The following FAM111A variants were observed in gnomAD, a reference collection of about 807,000 sequenced individuals.
FAM111A encodes serine protease FAM111A.
A neutral mutation model predicts 3.3 loss-of-function variants in FAM111A; 8 were observed. That is an observed-to-expected ratio of 2.39 (90% CI 1.40 to 4.32). The LOEUF (loss-of-function observed/expected upper bound fraction) is 4.32. Among genes scored for constraint, FAM111A ranks in the 30% most tolerant of loss-of-function variants. The probability of loss-of-function intolerance (pLI) is 0.00; values close to 1 mark genes in which losing one functional copy is unlikely to be tolerated. For missense variants in FAM111A, 683 were observed against 727.6 expected, an observed-to-expected ratio of 0.94 and a Z score of 0.71; for synonymous variants, 227 against 243.1, an observed-to-expected ratio of 0.93 and a Z score of 0.62.
Position 59,152,449 on chromosome 11 carries a change from G to GGCAGATACTT in FAM111A, c.782_791dup (p.Phe264LeufsTer7), listed in dbSNP as rs533676902. The GGCAGATACTT allele has an allele frequency of 6.3e-3, 10,249 of 1,614,078 alleles. 52 individuals are homozygous for GGCAGATACTT. The highest frequency in any genetic ancestry group is 7.7e-3 in the Non-Finnish European group (9,122 of 1,180,006). ...CACCCAGCCAGTTGATGAATTAGAAGGCAGATACTTTCAGGTTGAGGTTGA... is the reference window on the plus strand; with the variant it reads ...CACCCAGCCAGTTGATGAATTAGAAGGCAGATACTTGCAGATACTTTCAGGTTGAGGTTGA... On this transcript the variant is annotated frameshift_variant, in exon 6 of 6. Transcript: ENST00000675163. LOFTEE classifies it low-confidence loss of function (END_TRUNC).
rs1340022387 is a variant in FAM111A at position 59,152,966 on chromosome 11, T to TA, written c.1299dup (p.His434ThrfsTer2). ...TTTTTTGTTGAACCTTGGTTTGAGATACATAATGAAGAGCTTGACTATGCT... is the reference window on the plus strand; with the variant it reads ...TTTTTTGTTGAACCTTGGTTTGAGATAACATAATGAAGAGCTTGACTATGCT... On this transcript the variant is annotated frameshift_variant, in exon 6 of 6. Coordinates refer to ENST00000675163, the MANE Select transcript of FAM111A (RefSeq NM_001312909.2). LOFTEE classifies it low-confidence loss of function (END_TRUNC). 6.2e-7 allele frequency: 1 copy of TA among 1,614,112 alleles called. No individual in the cohort carries two copies. Among genetic ancestry groups the TA allele is most frequent in the Non-Finnish European group, 8.5e-7 (1 of 1,180,024 alleles).
Position 59,150,912 on chromosome 11 carries a change from T to C in FAM111A, c.82-838T>C, listed in dbSNP as rs565219845. The stretch of plus-strand genomic sequence containing the variant: ...AAAATAGAGTTCTTTTCATGATATA[T>C]GCTGGGCAAATCAAAGTATTTATTG... On this transcript the variant is annotated intron_variant, in intron 5 of 5. Coordinates refer to ENST00000675163, the MANE Select transcript of FAM111A (RefSeq NM_001312909.2). Among the ~76,000 whole-genome samples the C allele has an allele frequency of 2.0e-3, 303 of 152,366 alleles. 4 individuals are homozygous for C. Among genetic ancestry groups the C allele is most frequent in the African/African-American group, 6.9e-3 (289 of 41,584 alleles).
rs1037307427 is a variant in FAM111A at position 59,154,917 on chromosome 11, C to T, written c.*1413C>T. 1 of 152,878 alleles carries T rather than the reference C, an allele frequency of 6.5e-6. No homozygotes were observed. Among genetic ancestry groups the T allele is most frequent in the Non-Finnish European group, 1.5e-5 (1 of 68,042 alleles). The allele number at this position is 152,878 out of a possible 1,614,324, so 9.5% of individuals were successfully genotyped here. ...AAAGTCTGAGATATGACTAGCTACA[C>T]GTTTTGCCAAAAATGCTTGTTATAT... On this transcript the variant is annotated 3_prime_UTR_variant, in exon 6 of 6. Coordinates refer to ENST00000675163, the MANE Select transcript of FAM111A (RefSeq NM_001312909.2).
chr11:59,153,311 C>G lies in FAM111A; in HGVS notation c.1643C>G (p.Ser548Ter), dbSNP rs1202484130. 12 of 1,614,126 alleles carry G rather than the reference C, an allele frequency of 7.4e-6. No homozygotes were observed. The highest frequency in any genetic ancestry group is 9.3e-6 in the Non-Finnish European group (11 of 1,180,016). ...GCTTCCGGCTCCCCTGTGTTTGATTCAAAAGGTTCATTGGTGGCCATGCAT... is the reference window on the plus strand; with the variant it reads ...GCTTCCGGCTCCCCTGTGTTTGATTGAAAAGGTTCATTGGTGGCCATGCAT... Reference protein sequence around the residue: ...FGASGSPVFDSKGSLVAMHAA... With the variant: ...FGASGSPVFD Residue 548 changes from serine (S) to a stop codon, truncating the protein, a stop_gained, in exon 6 of 6, where the codon TCA (serine) becomes TGA (stop). Coordinates refer to ENST00000675163, the MANE Select transcript of FAM111A (RefSeq NM_001312909.2). LOFTEE classifies it low-confidence loss of function (END_TRUNC).
rs189542016 is a variant in FAM111A, at chr11:59,147,779, A to G, written c.-76-1018A>G. On this transcript the variant is annotated intron_variant, in intron 4 of 5. Transcript: ENST00000675163. Reference sequence around the variant, plus strand: ...CATTCTCTCATTTTTTCTCTAATAAATTGTTCATAATAAAAAGTCCTGAAA... The same window carrying G: ...CATTCTCTCATTTTTTCTCTAATAAGTTGTTCATAATAAAAAGTCCTGAAA... Among the ~76,000 whole-genome samples, 108 of 152,280 alleles carry G rather than the reference A, an allele frequency of 7.1e-4. No homozygotes were observed. In the South Asian group the frequency reaches 0.017, roughly 24 times the overall value.
intron 3 of FAM111A, 95 bp from the exon 4 acceptor site, chr11:59,145,732 G>C (rs1035439522): frequency 2.6e-5 from 4 of 152,138 alleles, no homozygotes; most frequent in African/African-American, 9.7e-5. Context: ...TGAATCCCTA[G>C]ATTTTCTTAA....
At chr11:59,150,459 G>T (rs1253375214) in intron 5 of FAM111A, among the ~76,000 whole-genome samples, 1 of 152,164 alleles carries the variant, frequency 6.6e-6, no homozygotes, top group Non-Finnish European at 1.5e-5. Context: ...AAGGGGCATT[G>T]CTGGCATACG....
Position 59,146,888 on chromosome 11 carries a change from C to T in FAM111A, c.-77+1032C>T, listed in dbSNP as rs181461280. Among the ~76,000 whole-genome samples, 3 of 152,182 alleles carry T rather than the reference C, an allele frequency of 2.0e-5. No individual in the cohort carries two copies. The East Asian group carries it at 5.8e-4, about 29-fold the overall frequency. On this transcript the variant is annotated intron_variant, in intron 4 of 5. Coordinates refer to ENST00000675163, the MANE Select transcript of FAM111A (RefSeq NM_001312909.2). ...AAGACATATAAAGGAAACTGTGTAC[C>T]TCAGTTGGATCTTGGTATGAATAAA...
chr11:59,144,823 C>A (rs2135426287), intron 3 of FAM111A: 1 of 152,498 alleles, frequency 6.6e-6, no homozygotes, highest in East Asian at 1.9e-4. Context: ...AGCTCTGGAG[C>A]CTTTGCTTCC....
At chr11:59,149,993 C>G (rs543452279) in intron 5 of FAM111A, among the ~76,000 whole-genome samples, 1 of 152,254 alleles carries the variant, frequency 6.6e-6, no homozygotes, top group East Asian at 1.9e-4. Context: ...AATTTCTCAA[C>G]TTGTTTTGTT....
At position 59,152,439 on chromosome 11, in the gene FAM111A, T is replaced by C. The variant is rs779946224; in HGVS notation, c.771T>C (p.Asp257=). 29 of 1,610,178 alleles carry C rather than the reference T, an allele frequency of 1.8e-5. No homozygotes were observed. In the Admixed American group the frequency reaches 4.8e-4, roughly 27 times the overall value. The change falls in exon 6 of 6, where the codon GAT becomes GAC. Residue 257 remains aspartate, a synonymous_variant. Transcript: ENST00000675163. The stretch of plus-strand genomic sequence containing the variant: ...TTTTAGAAAGCACCCAGCCAGTTGA[T>C]GAATTAGAAGGCAGATACTTTCAGG... ...DTILESTQPV[D]ELEGRYFQVE...
chr11:59,152,913 A>G lies in FAM111A; in HGVS notation c.1245A>G (p.Glu415=), dbSNP rs756479805. The change falls in exon 6 of 6, where the codon GAA becomes GAG. Residue 415 remains glutamate, a synonymous_variant. Transcript: ENST00000675163. ...GQCVRVTFGY[E]ELKDKETNYF... is the part of the protein sequence containing the mutation. The stretch of plus-strand genomic sequence containing the variant: ...GTGTAAGGGTGACATTTGGTTATGA[A>G]GAGCTAAAAGACAAGGAAACAAACT... The G allele has an allele frequency of 6.2e-7, 1 of 1,614,190 alleles. No homozygotes were observed. The highest frequency in any genetic ancestry group is 8.5e-7 in the Non-Finnish European group (1 of 1,180,042).
Position 59,152,142 on chromosome 11 carries a change from C to A in FAM111A, c.474C>A (p.Ser158=). ...GTGGCCAGGTGGTCATTACATTTTCCCAAAGTAAAAGTAAGCAGAAGGAAG... is the reference window on the plus strand; with the variant it reads ...GTGGCCAGGTGGTCATTACATTTTCACAAAGTAAAAGTAAGCAGAAGGAAG... The part of the protein sequence containing the change: ...PEGGQVVITF[S]QSKSKQKEDN... Residue 158 remains serine, a synonymous_variant, in exon 6 of 6, where the codon TCC becomes TCA. Coordinates refer to ENST00000675163, the MANE Select transcript of FAM111A (RefSeq NM_001312909.2). The A allele has an allele frequency of 6.2e-7, 1 of 1,614,028 alleles. No homozygotes were observed. Among genetic ancestry groups the A allele is most frequent in the Non-Finnish European group, 8.5e-7 (1 of 1,180,002 alleles).
chr11:59,148,754 G>A (rs550036362), intron 4 of FAM111A, 43 bp from the exon 5 acceptor site: 11 of 690,846 alleles, frequency 1.6e-5, no homozygotes, highest in African/African-American at 3.6e-5. Flanking sequence ...AAGATGGGAC[G>A]CAGGACACCA....
chr11:59,151,728 A>G, intron 5 of FAM111A, 22 bp from the exon 6 acceptor site: 5 of 1,516,346 alleles, frequency 3.3e-6, no homozygotes, highest in Non-Finnish European at 4.4e-6. Context: ...AGAGTTTTAA[A>G]GTATCTAACA....
At position 59,151,980 on chromosome 11, in the gene FAM111A, A is replaced by G. The variant is rs757612380; in HGVS notation, c.312A>G (p.Leu104=). The change falls in exon 6 of 6, where the codon TTA becomes TTG. Residue 104 remains leucine (L), a synonymous_variant. Transcript: ENST00000675163. ...LKLTHSENSS[L]YMALNTLQAV... ...TCACACATAGTGAGAATAGTAGCTT[A>G]TATATGGCTCTCAACACTCTCCAGG... is the stretch of plus-strand genomic sequence containing the variant. The G allele has an allele frequency of 9.9e-6, 16 of 1,614,226 alleles. No individual in the cohort carries two copies. The highest frequency in any genetic ancestry group is 1.3e-5 in the Non-Finnish European group (15 of 1,180,038).
At position 59,152,385 on chromosome 11, in the gene FAM111A, T is replaced by C. The variant is rs763385433; in HGVS notation, c.717T>C (p.Asp239=). ...GRFLSFLEND[D]WKLIENNDTI... ...TTCTTTCCTTTCTGGAGAATGATGA[T>C]TGGAAACTCATTGAAAACAATGACA... is the stretch of plus-strand genomic sequence containing the variant. The change falls in exon 6 of 6, where the codon GAT becomes GAC. Residue 239 remains aspartate (D), a synonymous_variant. Coordinates refer to ENST00000675163, the MANE Select transcript of FAM111A (RefSeq NM_001312909.2). 1.2e-6 allele frequency: 2 copies of C among 1,614,048 alleles called. No individual in the cohort carries two copies. The highest frequency in any genetic ancestry group is 1.1e-5 in the South Asian group (1 of 91,086).
chr11:59,142,895 C>A lies in FAM111A; in HGVS notation c.-579C>A, dbSNP rs891058184. On this transcript the variant is annotated 5_prime_UTR_variant, in exon 1 of 6. An upstream open reading frame in the 5' UTR gains an earlier in-frame stop. Transcript: ENST00000675163. ...CCGGCGACTAGGATGCTTTCGCTTT[C>A]GCTCTCGCTTTCCAATACTCGGGAC... The A allele has an allele frequency of 6.6e-6, 1 of 152,606 alleles. No homozygotes were observed. Among genetic ancestry groups the A allele is most frequent in the South Asian group, 2.1e-4 (1 of 4,836 alleles). The allele number at this position is 152,606 out of a possible 1,614,324, so 9.5% of individuals were successfully genotyped here. A position where few individuals can be genotyped will look rare whatever the true frequency, so the allele number is the denominator to read the frequency against.
chr11:59,143,960 T>C (rs1435396630), intron 3 of FAM111A: 1 of 152,246 alleles, frequency 6.6e-6, no homozygotes, highest in Non-Finnish European at 1.5e-5. Context: ...AGCCTTGTTT[T>C]ATCTACCAAT....
Sources: allele counts gnomAD v4.1 joint callset (sites outside exome capture counted in the v4.1 genomes callset), GRCh38; gene constraint gnomAD v4.1.1; transcripts MANE v1.5; gene names NCBI Gene and HGNC (gene_info 2026-07-23, HGNC 2026-07-21).